The following BRCA1 variants were observed in gnomAD, a reference collection of about 807,000 sequenced individuals.
The protein encoded by BRCA1 is BRCA1 DNA repair associated, also known as breast cancer type 1 susceptibility protein.
In BRCA1, 140 loss-of-function variants were observed where a neutral mutation model predicts 173.7. The observed-to-expected ratio is 0.81, with a 90% confidence interval of 0.70 to 0.93. The LOEUF is 0.93. BRCA1 is among the 40% of genes least tolerant of loss of function. The pLI is 0.00. For synonymous variants in BRCA1, 662 were observed against 756.0 expected (o/e 0.88, Z 2.04); for missense variants, 1,983 against 2,172.5 (o/e 0.91, Z 1.73).
chr17:43,125,325 A>G lies in BRCA1; in HGVS notation c.-74T>C, dbSNP rs1365946346. The G allele has an allele frequency of 2.2e-6, 1 of 455,644 alleles. No individual in the cohort carries two copies. The highest frequency in any genetic ancestry group is 4.4e-6 in the Non-Finnish European group (1 of 226,534). The allele number at this position is 455,644 out of a possible 1,614,324, so 28.2% of individuals were successfully genotyped here. A position where few individuals can be genotyped will look rare whatever the true frequency, so the allele number is the denominator to read the frequency against. ...CTGAGCGCAGGGGCCCAGTTATCTG[A>G]GAAACCCCACAGCCTGTCCCCCGTC... is the stretch of plus-strand genomic sequence containing the variant. On this transcript the variant is annotated 5_prime_UTR_variant, in exon 1 of 23. Transcript: ENST00000357654.
chr17:43,051,939 C>T (rs778965641), intron 19 of BRCA1, among the ~76,000 whole-genome samples: 15 of 152,156 alleles, frequency 9.9e-5, no homozygotes, highest in Non-Finnish European at 1.8e-4. Flanking sequence ...CCGGCCCTCT[C>T]TGACTTTCTT....
At chr17:43,082,911 A>G (rs1018344152) in intron 11 of BRCA1, among the ~76,000 whole-genome samples, 1 of 152,242 alleles carries the variant, frequency 6.6e-6, no homozygotes, top group African/African-American at 2.4e-5. Context: ...ATTTAAAATT[A>G]GCATGAATCT....
rs369588942 is a variant in BRCA1 at position 43,094,072 on chromosome 17, C to A, written c.1459G>T (p.Val487Phe). 2.0e-5 allele frequency: 32 copies of A among 1,614,120 alleles called. No individual in the cohort carries two copies. The African/African-American group carries it at 4.0e-4, about 20-fold the overall frequency. Residue 487 changes from valine to phenylalanine, a missense_variant, in exon 10 of 23, where the codon GTT becomes TTT. By Grantham distance (50) the Val-to-Phe change is conservative (BLOSUM62 -1). Transcript: ENST00000357654. The stretch of plus-strand genomic sequence containing the variant: ...TCTTGTATTATCTGTGGCTCAGTAA[C>A]AAATGCTCCTATAATTAGATTTTCA... ...VTENLIIGAFVTEPQIIQERP... is the reference protein window; with the variant it reads ...VTENLIIGAFFTEPQIIQERP...
intron 1 of BRCA1, chr17:43,159,305 G>A: frequency 6.0e-6 from 1 of 167,362 alleles, no homozygotes. Context: ...ACAAAATGTG[G>A]CCGGGCAGGG....
chr17:43,131,932 C>T (rs1046731248), intron 1 of BRCA1, among the ~76,000 whole-genome samples: 5 of 151,892 alleles, frequency 3.3e-5, no homozygotes, highest in African/African-American at 1.2e-4. Flanking sequence ...TACAGGCATG[C>T]ACCACCATGC....
intron 16 of BRCA1, 53 bp downstream of exon 16, chr17:43,067,555 C>G (rs2153691955): frequency 6.8e-7 from 1 of 1,466,844 alleles, no homozygotes; most frequent in Non-Finnish European, 9.6e-7. Flanking sequence ...TGCCTCGCCT[C>G]ATGTGGTTTT....
In BRCA1 at chr17:43,109,868, G is replaced by A. The variant is rs564394281; in HGVS notation, c.135-3335C>T. Among the ~76,000 whole-genome samples the A allele has an allele frequency of 3.3e-5, 5 of 151,544 alleles. No homozygotes were observed. The East Asian group carries it at 5.8e-4, about 18-fold the overall frequency. Reference sequence around the variant, plus strand: ...TAAATAATTCAGTGGAACTAGATACGCAAAAATCAACCAAGATAAGGATTC... The same window carrying A: ...TAAATAATTCAGTGGAACTAGATACACAAAAATCAACCAAGATAAGGATTC... On this transcript the variant is annotated intron_variant, in intron 3 of 22. Transcript: ENST00000357654.
chr17:43,058,848 A>G (rs1567765876), intron 18 of BRCA1, among the ~76,000 whole-genome samples: 1 of 152,226 alleles, frequency 6.6e-6, no homozygotes, highest in Non-Finnish European at 1.5e-5. Context: ...CTGGTCATGG[A>G]CATGAGAATA....
Position 43,095,586 on chromosome 17 carries a change from A to G in BRCA1, c.670+260T>C, listed in dbSNP as rs549142144. On this transcript the variant is annotated intron_variant, in intron 9 of 22. Coordinates refer to ENST00000357654, the MANE Select transcript of BRCA1 (RefSeq NM_007294.4). ...AACAGAGTGAGACCCCATCTCAAAA[A>G]AAAACAAACAAACAAACAAAAAAAA... Among the ~76,000 whole-genome samples, 515 of 151,592 alleles carry G rather than the reference A, an allele frequency of 3.4e-3. 7 individuals carry two copies. The highest frequency in any genetic ancestry group is 0.012 in the African/African-American group (505 of 41,396).
At chr17:43,097,431 C>A (rs1008712530) in intron 7 of BRCA1, 142 bp from the exon 8 acceptor site, 7 of 783,034 alleles carry the variant, frequency 8.9e-6, no homozygotes, top group African/African-American at 1.7e-5. Flanking sequence ...GCTAGTTAAG[C>A]TAGTATGTAA....
chr17:43,049,729 T>G (rs560816000), intron 20 of BRCA1, among the ~76,000 whole-genome samples: 1 of 152,298 alleles, frequency 6.6e-6, no homozygotes, highest in African/African-American at 2.4e-5. Flanking sequence ...TGAGCTGGAA[T>G]CCATATACTC....
intron 1 of BRCA1, chr17:43,153,521 C>G (rs1220901900): frequency 2.0e-5 from 3 of 152,066 alleles, no homozygotes; most frequent in Non-Finnish European, 4.4e-5. Context: ...CTTTGTTTCT[C>G]ACTTCTGTAA....
rs781317624 is a variant in BRCA1 at position 43,079,443 on chromosome 17, G to A, written c.4358-2829C>T. 4 of 1,508,658 alleles carry A rather than the reference G, an allele frequency of 2.7e-6. No individual in the cohort carries two copies. In the South Asian group the frequency reaches 4.5e-5, roughly 17 times the overall value. The allele number at this position is 1,508,658 out of a possible 1,614,324, so 93.5% of individuals were successfully genotyped here. On this transcript the variant is annotated intron_variant, in intron 12 of 22. Transcript: ENST00000357654. The stretch of plus-strand genomic sequence containing the variant: ...TGTAGACATCAAGGGAACGGGTACT[G>A]TTCAAAAAGGAATGCCCCACAAGTG...
At chr17:43,071,967 C>T (rs2052467131) in intron 14 of BRCA1, among the ~76,000 whole-genome samples, 1 of 151,688 alleles carries the variant, frequency 6.6e-6, no homozygotes, top group African/African-American at 2.4e-5. Flanking sequence ...GAGATTGAGC[C>T]ATTGCATTCC....
At chr17:43,137,150 A>G (rs1216421555) in intron 1 of BRCA1, among the ~76,000 whole-genome samples, 1 of 151,950 alleles carries the variant, frequency 6.6e-6, no homozygotes, top group Non-Finnish European at 1.5e-5. Flanking sequence ...ATGAAGCTGG[A>G]AACCATCATT....
chr17:43,057,237 C>T (rs2153413870), intron 18 of BRCA1, 102 bp from the exon 19 acceptor site: 2 of 1,095,788 alleles, frequency 1.8e-6, no homozygotes, highest in Admixed American at 1.7e-5. Context: ...AGGCCAGGCG[C>T]AGTGGCTCAC....
chr17:43,106,786 A>G (rs1180157257), intron 3 of BRCA1, among the ~76,000 whole-genome samples: 1 of 152,242 alleles, frequency 6.6e-6, no homozygotes, highest in Admixed American at 6.5e-5. Context: ...TTATGATCAC[A>G]TAAAACTTAA....
At position 43,094,641 on chromosome 17, in the gene BRCA1, A is replaced by T. The variant is rs80356924; in HGVS notation, c.890T>A (p.Met297Lys). The change falls in exon 10 of 23, where the codon ATG becomes AAG. Residue 297 changes from methionine to lysine, a missense_variant. Physicochemically the swap from Met to Lys is moderately conservative, Grantham distance 95. Coordinates refer to ENST00000357654, the MANE Select transcript of BRCA1 (RefSeq NM_007294.4). ...NSSLLLTKDRMNVEKAEFCNK... is the reference protein window; with the variant it reads ...NSSLLLTKDRKNVEKAEFCNK... ...ACAGAATTCAGCCTTTTCTACATTC[A>T]TTCTGTCTTTAGTGAGTAATAAACT... is the stretch of plus-strand genomic sequence containing the variant. 6.2e-7 allele frequency: 1 copy of T among 1,614,122 alleles called. No individual in the cohort carries two copies. Among genetic ancestry groups the T allele is most frequent in the Non-Finnish European group, 8.5e-7 (1 of 1,180,034 alleles).
rs2154528027 is a variant in BRCA1 at position 43,099,782 on chromosome 17, A to G, written c.540T>C (p.Ile180=). 6.2e-7 allele frequency: 1 copy of G among 1,606,038 alleles called. No individual in the cohort carries two copies. Among genetic ancestry groups the G allele is most frequent in the Non-Finnish European group, 8.5e-7 (1 of 1,172,748 alleles). Residue 180 remains isoleucine, a synonymous_variant, in exon 7 of 23, where the codon ATT becomes ATC. Transcript: ENST00000357654. ...RIQPQKTSVY[I]ELGSDSSEDT... ...AAAACCTGAGACCCTTACCCAATTC[A>G]ATGTAGACAGACGTCTTTTGAGGTT... is the stretch of plus-strand genomic sequence containing the variant.
Sources: gnomAD v4.1 joint callset for allele counts (sites outside exome capture counted in the v4.1 genomes callset) on GRCh38, gnomAD v4.1.1 for gene constraint, MANE v1.5 for transcripts, NCBI Gene and HGNC (gene_info 2026-07-23, HGNC 2026-07-21) for gene names.